The following RPTOR variants were observed in gnomAD, a reference collection of about 807,000 sequenced individuals.
RPTOR encodes the protein regulatory-associated protein of mTOR.
In RPTOR, 21 loss-of-function variants were observed where a neutral mutation model predicts 169.9. That is an observed-to-expected ratio of 0.12 (90% CI 0.09 to 0.18). The LOEUF (loss-of-function observed/expected upper bound fraction) is 0.18, where lower values mean the gene tolerates loss of function less well. Among genes scored for constraint, RPTOR ranks in the 10% least tolerant of loss-of-function variants. The pLI, the probability that RPTOR is intolerant of heterozygous loss-of-function variation, is 1.00. For missense variants in RPTOR, 1,133 were observed against 1,855.9 expected, an observed-to-expected ratio of 0.61 and a Z score of 7.16; for synonymous variants, 732 against 753.2, an observed-to-expected ratio of 0.97 and a Z score of 0.46.
At chr17:80,638,527 G>T (rs1199655840) in intron 2 of RPTOR, among the ~76,000 whole-genome samples, 1 of 147,902 alleles carries the variant, frequency 6.8e-6, no homozygotes. Flanking sequence ...TCAGCCTCCT[G>T]AGTAGCTGGA....
intron 3 of RPTOR, among the ~76,000 whole-genome samples, chr17:80,691,263 G>C (rs924670178): frequency 2.0e-5 from 3 of 151,656 alleles, no homozygotes; most frequent in Admixed American, 6.6e-5. Flanking sequence ...CTAGTAAGGG[G>C]TGTGTGGGTG....
At chr17:80,893,363 G>GGT (rs928728016) in intron 19 of RPTOR, among the ~76,000 whole-genome samples, 1 of 146,864 alleles carries the variant, frequency 6.8e-6, no homozygotes, top group Non-Finnish European at 1.5e-5. Context: ...GTGTGTGCTG[G>GGT]GTGTGTGTGC....
At chr17:80,581,310 C>T (rs796161036) in intron 1 of RPTOR, among the ~76,000 whole-genome samples, 1 of 152,244 alleles carries the variant, frequency 6.6e-6, no homozygotes, top group Non-Finnish European at 1.5e-5. Flanking sequence ...TTCCTTCCCC[C>T]TTTATTTGTC....
At position 80,609,855 on chromosome 17, in the gene RPTOR, G is replaced by T. The variant is rs560059422; in HGVS notation, c.163-15836G>T. On this transcript the variant is annotated intron_variant, in intron 1 of 33. Coordinates refer to ENST00000306801, the MANE Select transcript of RPTOR (RefSeq NM_020761.3). The surrounding 1 kb of genome is among the most constrained non-coding windows in gnomAD (Gnocchi z 4.8). The stretch of plus-strand genomic sequence containing the variant: ...CATGCATGTGGTAATAGACTTTAAA[G>T]GGTAAATGGAAAATGGTAGCTTACA... Among the ~76,000 whole-genome samples the T allele has an allele frequency of 2.2e-3, 335 of 151,896 alleles. 1 individual carries two copies. Among genetic ancestry groups the T allele is most frequent in the Non-Finnish European group, 3.2e-3 (220 of 67,944 alleles).
chr17:80,865,344 G>A (rs2067974422), intron 13 of RPTOR, among the ~76,000 whole-genome samples: 1 of 152,200 alleles, frequency 6.6e-6, no homozygotes, highest in Admixed American at 6.5e-5. Context: ...ACGCCACAAT[G>A]AGAAGGCAGA....
At chr17:80,891,612 G>A (rs1302932514) in intron 17 of RPTOR, 108 bp from the exon 18 acceptor site, 2 of 776,010 alleles carry the variant, frequency 2.6e-6, no homozygotes, top group Non-Finnish European at 4.4e-6. Flanking sequence ...CAATTGCACG[G>A]TTTTGTCTTA....
chr17:80,922,683 C>T (rs751427140), intron 21 of RPTOR, 41 bp from the exon 22 acceptor site: 6 of 1,488,076 alleles, frequency 4.0e-6, no homozygotes, highest in African/African-American at 1.4e-5. Flanking sequence ...CCGCGGAGCA[C>T]GTCCCGTCTG....
At chr17:80,932,794 T>C (rs1226829672) in intron 24 of RPTOR, among the ~76,000 whole-genome samples, 1 of 152,156 alleles carries the variant, frequency 6.6e-6, no homozygotes, top group Non-Finnish European at 1.5e-5. Flanking sequence ...CAAATCATGG[T>C]ATATACAGAC....
At chr17:80,619,343 G>C (rs1046422023) in intron 1 of RPTOR, among the ~76,000 whole-genome samples, 1 of 152,140 alleles carries the variant, frequency 6.6e-6, no homozygotes, top group Non-Finnish European at 1.5e-5. Context: ...GTCACTGCAC[G>C]TCAGCCTGTG....
Position 80,957,782 on chromosome 17 carries a change from G to C in RPTOR, c.3477+52G>C. The C allele has an allele frequency of 6.5e-7, 1 of 1,529,998 alleles. No homozygotes were observed. Among genetic ancestry groups the C allele is most frequent in the Non-Finnish European group, 9.1e-7 (1 of 1,104,694 alleles). The allele number at this position is 1,529,998 out of a possible 1,614,324, so 94.8% of individuals were successfully genotyped here. On this transcript the variant is annotated intron_variant, in intron 29 of 33. Coordinates refer to ENST00000306801, the MANE Select transcript of RPTOR (RefSeq NM_020761.3). This position sits in a 1 kb window ranked among gnomAD's most constrained non-coding sequence, Gnocchi z 4.6. ...CTGGGCCTGTGGGGCAGTGTGTGCA[G>C]GGCTGGTCCTCGTCACAGAACCCAG...
intron 2 of RPTOR, among the ~76,000 whole-genome samples, chr17:80,628,689 C>A (rs2065415134): frequency 6.6e-6 from 1 of 151,834 alleles, no homozygotes; most frequent in Non-Finnish European, 1.5e-5. Context: ...GTTGCCCAGG[C>A]TGGGCTATAC....
chr17:80,908,762 T>G (rs1227345424), intron 20 of RPTOR, 49 bp from the exon 21 acceptor site: 2 of 1,373,612 alleles, frequency 1.5e-6, no homozygotes, highest in Non-Finnish European at 2.1e-6. Flanking sequence ...CTTAGGAGCC[T>G]CATTGGCAGC....
rs1254010674 is a variant in RPTOR at position 80,820,863 on chromosome 17, C to T, written c.891-1338C>T. ...ATGAAAGGGGCTTCTCCGTCATCCC[C>T]GTCCTGGCCAGCAGCCTGACTAGAA... On this transcript the variant is annotated intron_variant, in intron 7 of 33. Coordinates refer to ENST00000306801, the MANE Select transcript of RPTOR (RefSeq NM_020761.3). This position sits in a 1 kb window ranked among gnomAD's most constrained non-coding sequence, Gnocchi z 4.1. 2.0e-5 allele frequency among the ~76,000 whole-genome samples: 3 copies of T among 152,228 alleles called. No individual in the cohort carries two copies. The highest frequency in any genetic ancestry group is 4.8e-5 in the African/African-American group (2 of 41,460).
At chr17:80,863,319 G>T (rs1047214866) in intron 13 of RPTOR, among the ~76,000 whole-genome samples, 4 of 151,754 alleles carry the variant, frequency 2.6e-5, no homozygotes, top group Non-Finnish European at 1.5e-5. Context: ...CCCCATGCCA[G>T]GTTACACTCC....
At chr17:80,732,908 A>G (rs2066404232) in intron 5 of RPTOR, among the ~76,000 whole-genome samples, 1 of 152,182 alleles carries the variant, frequency 6.6e-6, no homozygotes, top group African/African-American at 2.4e-5. Context: ...AATACTTTTT[A>G]TTGTATAACA....
chr17:80,588,153 T>G (rs1486307149), intron 1 of RPTOR, among the ~76,000 whole-genome samples: 1 of 151,192 alleles, frequency 6.6e-6, no homozygotes, highest in Non-Finnish European at 1.5e-5. Context: ...ATATCACATT[T>G]TCTTTATCCA....
intron 6 of RPTOR, among the ~76,000 whole-genome samples, chr17:80,764,609 C>T (rs966476320): frequency 3.9e-5 from 6 of 152,026 alleles, no homozygotes; most frequent in African/African-American, 1.5e-4. Flanking sequence ...GTGAATAGTG[C>T]CACAGTAAAC....
chr17:80,842,734 G>A (rs955343382), intron 10 of RPTOR, among the ~76,000 whole-genome samples: 2 of 152,130 alleles, frequency 1.3e-5, no homozygotes, highest in Admixed American at 1.3e-4. Context: ...CCTCTGAGAT[G>A]AGCATTCTGA....
chr17:80,923,827 C>A, intron 23 of RPTOR, 154 bp downstream of exon 23: 1 of 809,928 alleles, frequency 1.2e-6, no homozygotes, highest in Non-Finnish European at 1.9e-6. Context: ...TCTGCCTTTG[C>A]AGACCCGGGT....
Sources: gnomAD v4.1 joint callset for allele counts (sites outside exome capture counted in the v4.1 genomes callset) on GRCh38, gnomAD v4.1.1 for gene constraint, Gnocchi (gnomAD v3.1) non-coding constraint, MANE v1.5 for transcripts, NCBI Gene and HGNC (gene_info 2026-07-23, HGNC 2026-07-21) for gene names.